The following CACNB4 variants were observed in gnomAD, a reference collection of about 807,000 sequenced individuals.
CACNB4 encodes voltage-dependent L-type calcium channel subunit beta-4.
A neutral mutation model predicts 71.2 loss-of-function variants in CACNB4; 32 were observed. The observed-to-expected ratio is 0.45, with a 90% CI of 0.34 to 0.60. CACNB4 has a LOEUF of 0.60. CACNB4 is among the 20% of genes least tolerant of loss of function. The probability of loss-of-function intolerance (pLI) is 0.01; values close to 1 mark genes in which losing one functional copy is unlikely to be tolerated. For synonymous variants in CACNB4, 231 were observed against 236.9 expected (o/e 0.97, Z 0.23); for missense variants, 464 against 647.9 (o/e 0.72, Z 3.08).
At chr2:151,933,767 TA>T (rs994309256) in intron 2 of CACNB4, among the ~76,000 whole-genome samples, 53 of 152,216 alleles carry the variant, frequency 3.5e-4, no homozygotes, top group African/African-American at 1.1e-3. Flanking sequence ...TTGAGGGTTT[TA>T]AAAAAAATTG....
intron 2 of CACNB4, among the ~76,000 whole-genome samples, chr2:151,913,422 T>A (rs111369399): frequency 3.9e-5 from 6 of 152,158 alleles, no homozygotes; most frequent in African/African-American, 1.4e-4. Context: ...CCTTCACTTA[T>A]GAACCTTAGT....
At chr2:151,868,335 C>T (rs904808580) in intron 9 of CACNB4, 1 of 152,064 alleles carries the variant, frequency 6.6e-6, no homozygotes, top group African/African-American at 2.4e-5. Flanking sequence ...TGCATTTGCC[C>T]ATACTTTTTG....
At chr2:152,032,063 A>G (rs1339924609) in intron 2 of CACNB4, among the ~76,000 whole-genome samples, 1 of 152,152 alleles carries the variant, frequency 6.6e-6, no homozygotes, top group Non-Finnish European at 1.5e-5. Context: ...GGATCCTTCT[A>G]TAGTGTGGGG....
intron 5 of CACNB4, among the ~76,000 whole-genome samples, chr2:151,875,286 G>A (rs1468308099): frequency 1.4e-5 from 2 of 146,802 alleles, no homozygotes; most frequent in Non-Finnish European, 3.0e-5. Flanking sequence ...CACAGCACAT[G>A]TTTCAGAGAG....
rs775045032 is a variant in CACNB4, at chr2:151,883,683, C to T, written c.148-313G>A. On this transcript the variant is annotated intron_variant, in intron 2 of 13. Coordinates refer to ENST00000539935, the MANE Select transcript of CACNB4 (RefSeq NM_000726.5). ...TATTAAGCCCATATCACTTGTGAAA[C>T]GTTAGTTTTCATCCATCTTCTCTTT... is the stretch of plus-strand genomic sequence containing the variant. 3.6e-5 allele frequency: 13 copies of T among 358,986 alleles called. No individual in the cohort carries two copies. The East Asian group carries it at 5.5e-4, about 15-fold the overall frequency. The allele number at this position is 358,986 out of a possible 1,614,324, so 22.2% of individuals were successfully genotyped here. A position where few individuals can be genotyped will look rare whatever the true frequency, so the allele number is the denominator to read the frequency against.
At chr2:151,921,608 C>T (rs951722073) in intron 2 of CACNB4, among the ~76,000 whole-genome samples, 1 of 152,168 alleles carries the variant, frequency 6.6e-6, no homozygotes, top group Non-Finnish European at 1.5e-5. Flanking sequence ...GCTTCTAAAG[C>T]CAGCCACCTC....
chr2:151,904,993 A>G (rs1346618598), intron 2 of CACNB4, among the ~76,000 whole-genome samples: 1 of 152,204 alleles, frequency 6.6e-6, no homozygotes, highest in East Asian at 1.9e-4. Context: ...TTCAAAAAGA[A>G]GAACTAGAAT....
intron 2 of CACNB4, among the ~76,000 whole-genome samples, chr2:152,042,938 C>T (rs78925127): frequency 5.3e-5 from 8 of 152,254 alleles, no homozygotes; most frequent in Non-Finnish European, 1.2e-4. Flanking sequence ...GGAGCGTGAC[C>T]TCTGCTCGGT....
intron 2 of CACNB4, among the ~76,000 whole-genome samples, chr2:152,079,812 T>C (rs1212092633): frequency 6.6e-6 from 1 of 151,648 alleles, no homozygotes; most frequent in Non-Finnish European, 1.5e-5. Context: ...AAAAGTAAAA[T>C]CTCCCCCTGA....
chr2:152,029,145 T>G (rs187842931), intron 2 of CACNB4, among the ~76,000 whole-genome samples: 1 of 152,232 alleles, frequency 6.6e-6, no homozygotes, highest in East Asian at 1.9e-4. Context: ...GATGAGGTCA[T>G]GAGGGTCTTA....
intron 2 of CACNB4, among the ~76,000 whole-genome samples, chr2:151,922,131 T>A (rs1339349356): frequency 6.6e-6 from 1 of 152,230 alleles, no homozygotes; most frequent in Non-Finnish European, 1.5e-5. Flanking sequence ...CCCAAGTGAT[T>A]ACATAAGACT....
intron 2 of CACNB4, among the ~76,000 whole-genome samples, chr2:151,943,003 A>G (rs1488538108): frequency 6.6e-6 from 1 of 152,002 alleles, no homozygotes; most frequent in Non-Finnish European, 1.5e-5. Context: ...CCTTTGTCCT[A>G]TTCCCTTAGA....
chr2:152,010,982 A>G (rs1683023870), intron 2 of CACNB4, among the ~76,000 whole-genome samples: 1 of 152,236 alleles, frequency 6.6e-6, no homozygotes, highest in South Asian at 2.1e-4. Flanking sequence ...CTCATATTTA[A>G]GAGCTCCCAA....
intron 2 of CACNB4, among the ~76,000 whole-genome samples, chr2:151,991,110 G>C (rs1681681296): frequency 6.6e-6 from 1 of 152,152 alleles, no homozygotes; most frequent in South Asian, 2.1e-4. Context: ...TGCTCCTGAT[G>C]AAGCTCAGAT....
intron 2 of CACNB4, among the ~76,000 whole-genome samples, chr2:152,016,181 C>T (rs1447996474): frequency 3.9e-5 from 6 of 152,310 alleles, no homozygotes; most frequent in Admixed American, 3.3e-4. Flanking sequence ...GCTTGAGATT[C>T]TCATTCAGAG....
intron 2 of CACNB4, among the ~76,000 whole-genome samples, chr2:151,926,969 A>G (rs1056847608): frequency 2.0e-5 from 3 of 152,192 alleles, no homozygotes; most frequent in Non-Finnish European, 4.4e-5. Context: ...ACAACAGTGG[A>G]AAGTTATTTT....
At chr2:151,927,739 T>A (rs574263936) in intron 2 of CACNB4, among the ~76,000 whole-genome samples, 2 of 151,926 alleles carry the variant, frequency 1.3e-5, no homozygotes, top group East Asian at 3.9e-4. Flanking sequence ...GCTGAGTAGG[T>A]GGAGGGTTGG....
intron 2 of CACNB4, among the ~76,000 whole-genome samples, chr2:151,927,939 C>T (rs1286687474): frequency 6.6e-6 from 1 of 152,204 alleles, no homozygotes; most frequent in Non-Finnish European, 1.5e-5. Flanking sequence ...AAAGGAAAAT[C>T]TTTGCGCAGG....
intron 2 of CACNB4, among the ~76,000 whole-genome samples, chr2:152,084,033 A>T (rs1258800690): frequency 1.3e-5 from 2 of 152,224 alleles, no homozygotes; most frequent in Non-Finnish European, 2.9e-5. Context: ...TACTGTGAGT[A>T]TGGCGTAACT....
Sources: allele counts gnomAD v4.1 joint callset (sites outside exome capture counted in the v4.1 genomes callset), GRCh38; gene constraint gnomAD v4.1.1; transcripts MANE v1.5; gene names NCBI Gene and HGNC (gene_info 2026-07-23, HGNC 2026-07-21).